The following MVB12B variants were observed in gnomAD, a reference collection of about 807,000 sequenced individuals.
The protein encoded by MVB12B is multivesicular body subunit 12B.
Under a neutral mutation model 41.6 loss-of-function variants are expected in MVB12B, and 16 were observed. The observed-to-expected ratio is 0.38, with a 90% confidence interval of 0.26 to 0.58. MVB12B has a LOEUF of 0.58. MVB12B is among the 20% of genes least tolerant of loss of function. The pLI is 0.62. For synonymous variants in MVB12B, 133 were observed against 139.7 expected (o/e 0.95, Z 0.34); for missense variants, 274 against 380.2 (o/e 0.72, Z 2.32).
At chr9:126,334,030 G>C (rs1240539665) in intron 1 of MVB12B, among the ~76,000 whole-genome samples, 1 of 152,190 alleles carries the variant, frequency 6.6e-6, no homozygotes, top group Non-Finnish European at 1.5e-5. Context: ...GTATCTCAGG[G>C]GGTGGGGTTC....
chr9:126,461,381 AAAG>A (rs1452494056), intron 7 of MVB12B, among the ~76,000 whole-genome samples: 2 of 152,244 alleles, frequency 1.3e-5, no homozygotes, highest in Non-Finnish European at 2.9e-5. Flanking sequence ...ATAAAAAAAA[AAAG>A]AGCTAAACAG....
chr9:126,400,091 G>A (rs1201256204), intron 6 of MVB12B, among the ~76,000 whole-genome samples: 6 of 152,208 alleles, frequency 3.9e-5, no homozygotes, highest in Admixed American at 2.0e-4. Context: ...CTCCTGGGGC[G>A]TGTGCACTGC....
chr9:126,427,956 C>CA (rs1832227226), intron 7 of MVB12B, among the ~76,000 whole-genome samples: 1 of 142,284 alleles, frequency 7.0e-6, no homozygotes, highest in South Asian at 2.2e-4. Context: ...AGCTTTTTTT[C>CA]TTTTTTTTTT....
At chr9:126,384,568 G>A (rs529098388) in intron 3 of MVB12B, among the ~76,000 whole-genome samples, 3 of 152,016 alleles carry the variant, frequency 2.0e-5, no homozygotes, top group East Asian at 1.9e-4. Flanking sequence ...TTCCTCTGTC[G>A]CCCAGGCTGG....
chr9:126,461,517 C>T (rs1006085273), intron 7 of MVB12B, among the ~76,000 whole-genome samples: 3 of 152,162 alleles, frequency 2.0e-5, no homozygotes, highest in South Asian at 2.1e-4. Context: ...ACTAGCCCAG[C>T]GTTTTTTAGC....
rs1429053493 is a variant in MVB12B, at chr9:126,488,286, GTC to G, written c.873+4258_873+4259del. Among the ~76,000 whole-genome samples the G allele has an allele frequency of 5.9e-5, 3 of 50,820 alleles. No individual in the cohort carries two copies. In the East Asian group the frequency reaches 1.9e-3, roughly 32 times the overall value. The allele number at this position is 50,820 out of a possible 152,430, so 33.3% of individuals were successfully genotyped here. ...TAGTGAGGGGCTTGGGGGTGGAGAA[GTC>G]TCTGCTCAGAATTTGCTTTGCTCAC... On this transcript the variant is annotated intron_variant, in intron 9 of 9. Transcript: ENST00000361171.
At position 126,406,551 on chromosome 9, in the gene MVB12B, T is replaced by A. The variant is rs1447881462; in HGVS notation, c.662+10854T>A. Among the ~76,000 whole-genome samples, 7 of 152,348 alleles carry A rather than the reference T, an allele frequency of 4.6e-5. No homozygotes were observed. In the East Asian group the frequency reaches 1.3e-3, roughly 29 times the overall value. ...GATGTTTTAGTAGGCTGGAAGAAGA[T>A]GAAAAGCTAGCAGTGCCCATATGTT... On this transcript the variant is annotated intron_variant, in intron 6 of 9. Transcript: ENST00000361171.
intron 2 of MVB12B, among the ~76,000 whole-genome samples, chr9:126,346,519 G>A (rs1444324058): frequency 2.0e-5 from 3 of 152,070 alleles, no homozygotes; most frequent in African/African-American, 7.2e-5. Context: ...GGTCAGTTTT[G>A]AACACCTTGA....
chr9:126,502,753 A>T (rs1307877343), intron 9 of MVB12B, among the ~76,000 whole-genome samples: 2 of 152,186 alleles, frequency 1.3e-5, no homozygotes, highest in Admixed American at 6.5e-5. Flanking sequence ...GGCAGCTGAG[A>T]CCAGCCTCAG....
At chr9:126,495,458 CTCTA>C (rs985747721) in intron 9 of MVB12B, among the ~76,000 whole-genome samples, 2 of 152,316 alleles carry the variant, frequency 1.3e-5, no homozygotes, top group East Asian at 1.9e-4. Flanking sequence ...ACATAGTTTT[CTCTA>C]TCTTTCATTT....
chr9:126,382,593 C>G (rs1830667584), intron 3 of MVB12B, among the ~76,000 whole-genome samples: 1 of 152,144 alleles, frequency 6.6e-6, no homozygotes. Context: ...ACTGAGCAGC[C>G]TGAGGTACCC....
intron 6 of MVB12B, among the ~76,000 whole-genome samples, chr9:126,402,462 A>C (rs1588142520): frequency 6.6e-6 from 1 of 151,940 alleles, no homozygotes; most frequent in South Asian, 2.1e-4. Context: ...ACATGGCAAA[A>C]CCCCGTCTCT....
chr9:126,351,483 CTTTTTTTTT>C (rs34141510), intron 2 of MVB12B, among the ~76,000 whole-genome samples: 71 of 86,326 alleles, frequency 8.2e-4, no homozygotes, highest in Non-Finnish European at 7.7e-4. Context: ...GTCTTTCACT[CTTTTTTTTT>C]TTTTTTTTTT....
At chr9:126,411,627 G>T (rs904299021) in intron 6 of MVB12B, among the ~76,000 whole-genome samples, 6 of 152,148 alleles carry the variant, frequency 3.9e-5, no homozygotes, top group African/African-American at 1.4e-4. Flanking sequence ...GTCTTGGCTT[G>T]TGTCAATTAC....
At chr9:126,472,983 A>G (rs1833347876) in intron 7 of MVB12B, among the ~76,000 whole-genome samples, 1 of 152,180 alleles carries the variant, frequency 6.6e-6, no homozygotes, top group Admixed American at 6.6e-5. Flanking sequence ...TTTAAAAACA[A>G]GAAGAAGAAG....
intron 7 of MVB12B, chr9:126,448,043 G>A (rs1176940951): frequency 6.5e-6 from 1 of 152,710 alleles, no homozygotes; most frequent in Non-Finnish European, 1.5e-5. Flanking sequence ...TTCTCCTCCA[G>A]GGGTTTTCCA....
chr9:126,344,207 GCTC>G (rs1327779462), intron 2 of MVB12B, among the ~76,000 whole-genome samples: 2 of 152,206 alleles, frequency 1.3e-5, no homozygotes, highest in Non-Finnish European at 2.9e-5. Flanking sequence ...AACACACACA[GCTC>G]CTGCCTTCAT....
intron 9 of MVB12B, among the ~76,000 whole-genome samples, chr9:126,497,128 C>T (rs1202188153): frequency 6.6e-6 from 1 of 152,110 alleles, no homozygotes; most frequent in Admixed American, 6.5e-5. Context: ...AGTGCCCAGA[C>T]ACACAGGCTT....
intron 6 of MVB12B, among the ~76,000 whole-genome samples, chr9:126,409,449 C>T (rs1418155746): frequency 7.3e-6 from 1 of 137,498 alleles, no homozygotes; most frequent in Non-Finnish European, 1.5e-5. Context: ...ATAGAAATGC[C>T]TCCTTTGCAG....
Sources: allele counts gnomAD v4.1 joint callset (sites outside exome capture counted in the v4.1 genomes callset), GRCh38; gene constraint gnomAD v4.1.1; transcripts MANE v1.5; gene names NCBI Gene and HGNC (gene_info 2026-07-23, HGNC 2026-07-21).